WDR20: variants seen among roughly 807,000 people sequenced by gnomAD.
The protein encoded by WDR20 is WD repeat domain 20.
WDR20 carries 3 observed loss-of-function variants against 38.7 expected under a neutral mutation model. That is an observed-to-expected ratio of 0.08 (90% confidence interval 0.04 to 0.20). WDR20 has a LOEUF of 0.20. Ranked by LOEUF, WDR20 falls within the 10% of genes least tolerant of loss-of-function variation. WDR20 has a pLI of 1.00. For missense variants in WDR20, 559 were observed against 727.7 expected, an observed-to-expected ratio of 0.77 and a Z score of 2.67; for synonymous variants, 298 against 285.6, an observed-to-expected ratio of 1.04 and a Z score of -0.44.
At chr14:102,182,404 C>G (rs1026150297) in intron 1 of WDR20, among the ~76,000 whole-genome samples, 1 of 152,206 alleles carries the variant, frequency 6.6e-6, no homozygotes, top group Non-Finnish European at 1.5e-5. Flanking sequence ...TCTCTCCTCT[C>G]ATTGAGTGAT....
At chr14:102,219,905 G>A (rs1250681604), downstream of WDR20, among the ~76,000 whole-genome samples, 3 of 152,252 alleles carry the variant, frequency 2.0e-5, no homozygotes, top group Non-Finnish European at 4.4e-5. Flanking sequence ...GCTGGGCCCA[G>A]TGGAGAGTGG....
intron 2 of WDR20, among the ~76,000 whole-genome samples, chr14:102,196,871 G>A (rs1359741505): frequency 1.3e-5 from 2 of 152,214 alleles, no homozygotes; most frequent in Admixed American, 6.5e-5. Flanking sequence ...ACTGTGTGTG[G>A]TTTAATGCCA....
At chr14:102,193,389 T>C in intron 1 of WDR20, 2 of 1,494,370 alleles carry the variant, frequency 1.3e-6, no homozygotes, top group Non-Finnish European at 1.9e-6. Context: ...GGACTCCCTT[T>C]TGTTTTGTAT....
At chr14:102,161,953 C>T (rs548702832) in intron 1 of WDR20, among the ~76,000 whole-genome samples, 40 of 152,248 alleles carry the variant, frequency 2.6e-4, no homozygotes, top group South Asian at 4.1e-4. Flanking sequence ...CCCATTCCTG[C>T]GGCCAAGGAA....
rs1232329437 is a variant in WDR20, at chr14:102,202,056, C to G, written c.433-6547C>G. ...CCCAGGGAGCAGGTCTCTTCCCTGT[C>G]CCTCTCTCCTGGAGCTCACCTTCCT... On this transcript the variant is annotated intron_variant, in intron 2 of 2. Transcript: ENST00000342702. 2.6e-5 allele frequency among the ~76,000 whole-genome samples: 4 copies of G among 152,030 alleles called. 1 individual carries two copies. In the South Asian group the frequency reaches 6.2e-4, roughly 24 times the overall value.
intron 1 of WDR20, among the ~76,000 whole-genome samples, chr14:102,146,865 G>A (rs905671817): frequency 6.6e-6 from 1 of 152,142 alleles, no homozygotes; most frequent in Non-Finnish European, 1.5e-5. Flanking sequence ...GTAACTTTTT[G>A]TATTAGATTT....
At chr14:102,155,999 A>G (rs1177339395) in intron 1 of WDR20, among the ~76,000 whole-genome samples, 2 of 145,908 alleles carry the variant, frequency 1.4e-5, no homozygotes, top group Non-Finnish European at 3.0e-5. Flanking sequence ...GCTGGTGTTG[A>G]ATTCCTGGGC....
chr14:102,212,835 C>G (rs781507891), downstream of WDR20: 208 of 1,316,150 alleles, frequency 1.6e-4, no homozygotes, highest in Non-Finnish European at 1.9e-4. Context: ...GTCTTTCAGC[C>G]TAAACGTTAT....
intron 1 of WDR20, among the ~76,000 whole-genome samples, chr14:102,167,212 C>A (rs112159932): frequency 2.8e-4 from 42 of 151,992 alleles, no homozygotes; most frequent in Admixed American, 6.6e-4. Context: ...GATTCTTCTT[C>A]TTATTTATTT....
At chr14:102,152,344 C>T (rs1566814909) in intron 1 of WDR20, among the ~76,000 whole-genome samples, 2 of 151,756 alleles carry the variant, frequency 1.3e-5, no homozygotes, top group Admixed American at 6.6e-5. Context: ...TTATTAATAA[C>T]ATATTAATCA....
downstream of WDR20, among the ~76,000 whole-genome samples, chr14:102,215,979 C>G (rs1303683659): frequency 1.3e-5 from 2 of 152,156 alleles, no homozygotes; most frequent in African/African-American, 4.8e-5. Flanking sequence ...TTCCTCAGGC[C>G]CTTGTGCTCC....
chr14:102,224,267 C>A (rs1202588214), downstream of WDR20, among the ~76,000 whole-genome samples: 1 of 151,944 alleles, frequency 6.6e-6, no homozygotes, highest in Non-Finnish European at 1.5e-5. Context: ...GTCTCGATCT[C>A]CTGACCTCGT....
chr14:102,219,782 T>C (rs2063674210), downstream of WDR20, among the ~76,000 whole-genome samples: 2 of 152,296 alleles, frequency 1.3e-5, no homozygotes, highest in South Asian at 4.1e-4. Flanking sequence ...AGGGCTGCCA[T>C]CAAAAGGGCG....
At chr14:102,184,570 A>G (rs559398986) in intron 1 of WDR20, among the ~76,000 whole-genome samples, 1 of 151,778 alleles carries the variant, frequency 6.6e-6, no homozygotes, top group South Asian at 2.1e-4. Flanking sequence ...CCCTCTCCCC[A>G]CCCGATGCAG....
chr14:102,172,496 G>T lies in WDR20; in HGVS notation c.250-22442G>T, dbSNP rs1349510674. 8.7e-5 allele frequency among the ~76,000 whole-genome samples: 13 copies of T among 149,536 alleles called. No homozygotes were observed. The East Asian group carries it at 2.0e-3, about 23-fold the overall frequency. On this transcript the variant is annotated intron_variant, in intron 1 of 2. Transcript: ENST00000342702. ...CCAGTAGGGGCGGCCGGGCAGAGGC[G>T]CCCCTCACCTCCCGGACGGGGCGGC...
intron 1 of WDR20, among the ~76,000 whole-genome samples, chr14:102,185,439 A>G (rs1168005629): frequency 2.0e-5 from 3 of 152,134 alleles, no homozygotes; most frequent in Non-Finnish European, 4.4e-5. Context: ...GAATCGTAGA[A>G]CTAGGTGCCA....
intron 1 of WDR20, among the ~76,000 whole-genome samples, chr14:102,145,894 A>C (rs947599265): frequency 1.3e-5 from 2 of 152,198 alleles, no homozygotes; most frequent in East Asian, 1.9e-4. Flanking sequence ...TGCCCAGAGA[A>C]GTTACTGAAG....
chr14:102,222,925 C>A lies in WDR20; in HGVS notation c.*42C>A, dbSNP rs760446407. 1 of 1,612,428 alleles carries A rather than the reference C, an allele frequency of 6.2e-7. No homozygotes were observed. Among genetic ancestry groups the A allele is most frequent in the Non-Finnish European group, 8.5e-7 (1 of 1,178,896 alleles). On this transcript the variant is annotated 3_prime_UTR_variant, in exon 4 of 4. Coordinates refer to the WDR20 transcript ENST00000335263. The surrounding 1 kb of genome is among the most constrained non-coding windows in gnomAD (Gnocchi z 4.4). ...CGCACAGTCTCCCGGGACTTGGACT[C>A]GAGGGAGTGACGAGGAGGAGCTCCG...
intron 1 of WDR20, among the ~76,000 whole-genome samples, chr14:102,150,215 C>T (rs960613685): frequency 2.0e-5 from 3 of 152,116 alleles, no homozygotes; most frequent in Non-Finnish European, 4.4e-5. Flanking sequence ...TTACATCACG[C>T]CTGTAATCCT....
Sources: gnomAD v4.1 joint callset for allele counts (sites outside exome capture counted in the v4.1 genomes callset) on GRCh38, gnomAD v4.1.1 for gene constraint, Gnocchi (gnomAD v3.1) non-coding constraint, MANE v1.5 for transcripts, NCBI Gene and HGNC (gene_info 2026-07-23, HGNC 2026-07-21) for gene names.